Variants in KCNJ6 observed in about 807,000 individuals in gnomAD.
The protein encoded by KCNJ6 is potassium inwardly rectifying channel subfamily J member 6.
A neutral mutation model predicts 34.2 loss-of-function variants in KCNJ6; 9 were observed. The observed-to-expected ratio is 0.26, with a 90% confidence interval of 0.16 to 0.46. KCNJ6 has a LOEUF of 0.46. KCNJ6 is among the 20% of genes least tolerant of loss of function. The pLI is 1.00. For synonymous variants in KCNJ6, 196 were observed against 207.1 expected (o/e 0.95, Z 0.46); for missense variants, 236 against 531.3 (o/e 0.44, Z 5.46).
At chr21:37,913,604 C>A (rs1021706100) in intron 1 of KCNJ6, among the ~76,000 whole-genome samples, 1 of 152,094 alleles carries the variant, frequency 6.6e-6, no homozygotes, top group Admixed American at 6.6e-5. Flanking sequence ...CGGATCACAA[C>A]GTCATGAGTT....
At chr21:37,904,127 G>A (rs1385339788) in intron 1 of KCNJ6, among the ~76,000 whole-genome samples, 1 of 152,174 alleles carries the variant, frequency 6.6e-6, no homozygotes, top group Non-Finnish European at 1.5e-5. Context: ...TCTATTAGCT[G>A]CTCTAAAGTC....
chr21:37,745,421 C>A (rs2054963086), intron 2 of KCNJ6, among the ~76,000 whole-genome samples: 1 of 152,036 alleles, frequency 6.6e-6, no homozygotes, highest in African/African-American at 2.4e-5. Context: ...TCATGCCTGG[C>A]CATGGTTGCT....
At chr21:37,897,037 G>T (rs575539829) in intron 1 of KCNJ6, among the ~76,000 whole-genome samples, 1 of 152,360 alleles carries the variant, frequency 6.6e-6, no homozygotes, top group African/African-American at 2.4e-5. Flanking sequence ...TAGCTGGTTC[G>T]TGTGGGAGGC....
At chr21:37,803,135 GTT>G (rs2055277475) in intron 2 of KCNJ6, among the ~76,000 whole-genome samples, 1 of 152,158 alleles carries the variant, frequency 6.6e-6, no homozygotes, top group Non-Finnish European at 1.5e-5. Context: ...TGACAATGAC[GTT>G]GAAAATTATG....
intron 2 of KCNJ6, among the ~76,000 whole-genome samples, chr21:37,743,013 G>C (rs1269307645): frequency 2.0e-5 from 3 of 152,134 alleles, no homozygotes; most frequent in African/African-American, 7.2e-5. Context: ...AAATCCTCAG[G>C]AGTCAGCTCA....
rs2054330585 is a variant in KCNJ6 at position 37,630,789 on chromosome 21, A to G, written c.947-5305T>C. Among the ~76,000 whole-genome samples the G allele has an allele frequency of 2.0e-5, 3 of 152,336 alleles. No individual in the cohort carries two copies. The South Asian group carries it at 6.2e-4, about 32-fold the overall frequency. ...ACACTTATTTTTTTGTTGTGAGAACATTTAAAATCTACTCTTAGCAATTTT... is the reference window on the plus strand; with the variant it reads ...ACACTTATTTTTTTGTTGTGAGAACGTTTAAAATCTACTCTTAGCAATTTT... On this transcript the variant is annotated intron_variant, in intron 3 of 3. Transcript: ENST00000609713.
At chr21:37,859,461 A>AATTTGACACTCTTT (rs144363778) in intron 1 of KCNJ6, among the ~76,000 whole-genome samples, 1 of 130,080 alleles carries the variant, frequency 7.7e-6, no homozygotes. Context: ...CATTGTCCAC[A>AATTTGACACTCTTT]ATTTTAACTA....
At position 37,607,749 on chromosome 21, in the gene KCNJ6, C is replaced by A. The variant is rs2054229363; in HGVS notation, c.*17410G>T. The A allele has an allele frequency of 6.6e-6, 1 of 152,094 alleles. No individual in the cohort carries two copies. 9.4% of individuals were successfully genotyped at this position (152,094 alleles called of 1,614,324 possible). On this transcript the variant is annotated 3_prime_UTR_variant, in exon 4 of 4. Coordinates refer to ENST00000609713, the MANE Select transcript of KCNJ6 (RefSeq NM_002240.5). Reference sequence around the variant, plus strand: ...CTTAGTGACTTTATTCCAAAGAAATCTTAGAAGCCTTGGTAGCAACTTTTG... The same window carrying A: ...CTTAGTGACTTTATTCCAAAGAAATATTAGAAGCCTTGGTAGCAACTTTTG...
chr21:37,704,761 C>T (rs944180817), intron 3 of KCNJ6, among the ~76,000 whole-genome samples: 1 of 152,008 alleles, frequency 6.6e-6, no homozygotes, highest in African/African-American at 2.4e-5. Context: ...TGATCAAAGC[C>T]TATATCTTTT....
chr21:37,646,119 T>C (rs757996368), intron 3 of KCNJ6, among the ~76,000 whole-genome samples: 3 of 152,202 alleles, frequency 2.0e-5, no homozygotes, highest in Non-Finnish European at 4.4e-5. Context: ...AGTCCAAGTC[T>C]AGTTTTGAAG....
At chr21:37,756,917 T>C (rs857995) in intron 2 of KCNJ6, among the ~76,000 whole-genome samples, 7,048 of 53,904 alleles carry the variant, frequency 0.13, 59 homozygotes, top group South Asian at 0.23. Context: ...GATTCCAGCC[T>C]GGAGTGAGCA....
chr21:37,638,335 T>C (rs2054366912), intron 3 of KCNJ6, among the ~76,000 whole-genome samples: 1 of 151,984 alleles, frequency 6.6e-6, no homozygotes, highest in South Asian at 2.1e-4. Flanking sequence ...TTGGTAGAGA[T>C]GGGGTTTCAC....
At chr21:37,838,043 T>C (rs1568867000) in intron 2 of KCNJ6, among the ~76,000 whole-genome samples, 1 of 152,222 alleles carries the variant, frequency 6.6e-6, no homozygotes, top group African/African-American at 2.4e-5. Context: ...TAAGGTCTGT[T>C]CTCAACTTTT....
At chr21:37,770,016 T>C (rs553868287) in intron 2 of KCNJ6, among the ~76,000 whole-genome samples, 1 of 152,316 alleles carries the variant, frequency 6.6e-6, no homozygotes, top group South Asian at 2.1e-4. Flanking sequence ...ATTTCTATTC[T>C]TTATAAATTG....
At chr21:37,634,112 A>C (rs1237836474) in intron 3 of KCNJ6, among the ~76,000 whole-genome samples, 1 of 152,228 alleles carries the variant, frequency 6.6e-6, no homozygotes, top group Non-Finnish European at 1.5e-5. Context: ...AGCAGTTGTT[A>C]TACTTTGGAT....
At chr21:37,849,815 G>A (rs1014039866) in intron 1 of KCNJ6, among the ~76,000 whole-genome samples, 1 of 152,138 alleles carries the variant, frequency 6.6e-6, no homozygotes, top group Non-Finnish European at 1.5e-5. Flanking sequence ...TGTCATTCTT[G>A]GAGCCATGAC....
intron 2 of KCNJ6, among the ~76,000 whole-genome samples, chr21:37,726,699 T>C (rs2054856892): frequency 6.6e-6 from 1 of 152,242 alleles, no homozygotes; most frequent in South Asian, 2.1e-4. Flanking sequence ...TGCTTTCTCT[T>C]TTAATTCTTC....
chr21:37,674,855 G>A (rs887165385), intron 3 of KCNJ6, among the ~76,000 whole-genome samples: 2 of 152,082 alleles, frequency 1.3e-5, no homozygotes, highest in Non-Finnish European at 2.9e-5. Flanking sequence ...ACTGCAGAGC[G>A]CATAGCATGA....
intron 1 of KCNJ6, among the ~76,000 whole-genome samples, chr21:37,851,054 A>T (rs2055535094): frequency 6.6e-6 from 1 of 152,204 alleles, no homozygotes; most frequent in Non-Finnish European, 1.5e-5. Flanking sequence ...GTTTTGTGAC[A>T]GGAGATTTAA....
Sources: gnomAD v4.1 joint callset for allele counts (sites outside exome capture counted in the v4.1 genomes callset) on GRCh38, gnomAD v4.1.1 for gene constraint, MANE v1.5 for transcripts, NCBI Gene and HGNC (gene_info 2026-07-23, HGNC 2026-07-21) for gene names.